UNC5D: variants seen among roughly 807,000 people sequenced by gnomAD.
UNC5D encodes the protein netrin receptor UNC5D.
Under a neutral mutation model 105.4 loss-of-function variants are expected in UNC5D, and 39 were observed. The observed-to-expected ratio is 0.37, with a 90% CI of 0.29 to 0.48. The LOEUF is 0.48. Among genes scored for constraint, UNC5D ranks in the 20% least tolerant of loss-of-function variants. UNC5D has a pLI of 0.98. For missense variants in UNC5D, 991 were observed against 1,202.4 expected (o/e 0.82, Z 2.60); for synonymous variants, 452 against 450.4 (o/e 1.00, Z -0.04).
chr8:35,766,805 GTCA>G (rs58870994), intron 14 of UNC5D, 94 bp from the exon 15 acceptor site: 2,952 of 1,315,512 alleles, frequency 2.2e-3, no homozygotes, highest in South Asian at 4.3e-3. Flanking sequence ...TGTTGTTGTC[GTCA>G]TCATCATCAT....
At chr8:35,363,054 AAC>A (rs1365133881) in intron 1 of UNC5D, among the ~76,000 whole-genome samples, 14 of 152,102 alleles carry the variant, frequency 9.2e-5, no homozygotes, top group African/African-American at 3.4e-4. Flanking sequence ...TCCAATTTGG[AAC>A]AGTTTCTTCA....
intron 4 of UNC5D, among the ~76,000 whole-genome samples, chr8:35,604,083 A>T (rs753195764): frequency 3.2e-4 from 49 of 152,170 alleles, no homozygotes; most frequent in Non-Finnish European, 1.3e-4. Flanking sequence ...TGATCCTGTC[A>T]TTATGATGTT....
At chr8:35,789,066 A>C (rs1802886582) in intron 16 of UNC5D, among the ~76,000 whole-genome samples, 1 of 145,760 alleles carries the variant, frequency 6.9e-6, no homozygotes, top group Non-Finnish European at 1.5e-5. Flanking sequence ...AAATTAAAGC[A>C]AGAAGCAAAG....
intron 4 of UNC5D, among the ~76,000 whole-genome samples, chr8:35,639,439 T>C (rs1261645393): frequency 6.6e-6 from 1 of 152,230 alleles, no homozygotes; most frequent in East Asian, 1.9e-4. Context: ...ATTGCTTTCA[T>C]ATTTTGAAAG....
chr8:35,634,614 G>A (rs1822241251), intron 4 of UNC5D, among the ~76,000 whole-genome samples: 1 of 152,118 alleles, frequency 6.6e-6, no homozygotes, highest in Non-Finnish European at 1.5e-5. Flanking sequence ...ATTTAGTTTT[G>A]AAAGGTTACA....
chr8:35,543,191 A>G (rs1294910932), intron 1 of UNC5D, among the ~76,000 whole-genome samples: 1 of 152,224 alleles, frequency 6.6e-6, no homozygotes, highest in Non-Finnish European at 1.5e-5. Context: ...TGAAACAAAT[A>G]CCAGTATAGT....
chr8:35,276,325 A>G (rs907087044), intron 1 of UNC5D, among the ~76,000 whole-genome samples: 1 of 152,142 alleles, frequency 6.6e-6, no homozygotes, highest in African/African-American at 2.4e-5. Flanking sequence ...CTGGGTCAGC[A>G]AGAGTTGACT....
At chr8:35,269,139 T>C (rs572508441) in intron 1 of UNC5D, among the ~76,000 whole-genome samples, 4 of 152,374 alleles carry the variant, frequency 2.6e-5, no homozygotes, top group Non-Finnish European at 5.9e-5. Context: ...ACAAATTATA[T>C]GAATGTAGTA....
intron 1 of UNC5D, among the ~76,000 whole-genome samples, chr8:35,447,206 G>A (rs1204536288): frequency 6.6e-6 from 1 of 152,062 alleles, no homozygotes; most frequent in Non-Finnish European, 1.5e-5. Context: ...GAAAACATCA[G>A]TATTTTGTAG....
chr8:35,389,665 C>T (rs983360651), intron 1 of UNC5D, among the ~76,000 whole-genome samples: 1 of 148,172 alleles, frequency 6.7e-6, no homozygotes, highest in Non-Finnish European at 1.5e-5. Flanking sequence ...AACTACTTTG[C>T]GGTATAGAAA....
intron 4 of UNC5D, among the ~76,000 whole-genome samples, chr8:35,632,560 C>T (rs77660344): frequency 6.6e-6 from 1 of 152,212 alleles, no homozygotes. Flanking sequence ...GGGGCCTCAT[C>T]CCTGTGCTGT....
chr8:35,670,479 C>T (rs1824712175), intron 4 of UNC5D, among the ~76,000 whole-genome samples: 1 of 152,114 alleles, frequency 6.6e-6, no homozygotes, highest in South Asian at 2.1e-4. Context: ...CAGTGATAGA[C>T]TGCATAAAGA....
chr8:35,296,579 C>G (rs1462366774), intron 1 of UNC5D, among the ~76,000 whole-genome samples: 1 of 152,088 alleles, frequency 6.6e-6, no homozygotes, highest in African/African-American at 2.4e-5. Context: ...ATCCCCATGA[C>G]CAGCTAATAT....
chr8:35,792,993 T>A lies in UNC5D; in HGVS notation c.*2430T>A. 2.2e-6 allele frequency: 1 copy of A among 454,826 alleles called. No individual in the cohort carries two copies. Among genetic ancestry groups the A allele is most frequent in the South Asian group, 1.6e-5 (1 of 63,982 alleles). 28.2% of individuals were successfully genotyped at this position (454,826 alleles called of 1,614,324 possible). ...ATTTTTTTTTCCTTTGGCCTGGGTT[T>A]TATAAACAACTTGAACATCATATCA... is the stretch of plus-strand genomic sequence containing the variant. On this transcript the variant is annotated 3_prime_UTR_variant, in exon 17 of 17. Coordinates refer to ENST00000404895, the MANE Select transcript of UNC5D (RefSeq NM_080872.4).
At chr8:35,241,304 T>G (rs2128801270) in intron 1 of UNC5D, among the ~76,000 whole-genome samples, 1 of 152,380 alleles carries the variant, frequency 6.6e-6, no homozygotes, top group South Asian at 2.1e-4. Context: ...TTTTCAGAAT[T>G]AGGTGGATGT....
At chr8:35,376,585 A>T (rs1169303124) in intron 1 of UNC5D, among the ~76,000 whole-genome samples, 1 of 152,184 alleles carries the variant, frequency 6.6e-6, no homozygotes, top group African/African-American at 2.4e-5. Flanking sequence ...TATGCCATTG[A>T]TAAAAAGAGA....
chr8:35,755,451 A>G (rs1563736989), intron 13 of UNC5D, among the ~76,000 whole-genome samples: 1 of 150,698 alleles, frequency 6.6e-6, no homozygotes, highest in African/African-American at 2.5e-5. Context: ...TTTAAAGGAA[A>G]GCACCATAGC....
At chr8:35,461,819 T>A (rs965597878) in intron 1 of UNC5D, among the ~76,000 whole-genome samples, 11 of 152,158 alleles carry the variant, frequency 7.2e-5, no homozygotes, top group Admixed American at 6.5e-4. Flanking sequence ...GGATCTGTGA[T>A]AAGAATTGAA....
intron 1 of UNC5D, chr8:35,254,715 G>C (rs1043642122): frequency 6.6e-6 from 1 of 152,088 alleles, no homozygotes; most frequent in African/African-American, 2.4e-5. Context: ...CCTTTTGAAT[G>C]CTATGTTTCC....
Sources: allele counts gnomAD v4.1 joint callset (sites outside exome capture counted in the v4.1 genomes callset), GRCh38; gene constraint gnomAD v4.1.1; transcripts MANE v1.5; gene names NCBI Gene and HGNC (gene_info 2026-07-23, HGNC 2026-07-21).